The following KLF12 variants were observed in gnomAD, a reference collection of about 807,000 sequenced individuals.
KLF12 encodes the protein Krueppel-like factor 12.
In KLF12, 9 loss-of-function variants were observed where a neutral mutation model predicts 37.8. That is an observed-to-expected ratio of 0.24 (90% confidence interval 0.14 to 0.42). The LOEUF is 0.42. Among genes scored for constraint, KLF12 ranks in the 10% least tolerant of loss-of-function variants. The pLI, the probability that KLF12 is intolerant of heterozygous loss-of-function variation, is 1.00. For missense variants in KLF12, 411 were observed against 516.0 expected (o/e 0.80, Z 1.97); for synonymous variants, 208 against 202.1 (o/e 1.03, Z -0.25).
chr13:73,786,393 C>G, intron 5 of KLF12, among the ~76,000 whole-genome samples: 1 of 152,130 alleles, frequency 6.6e-6, no homozygotes, highest in South Asian at 2.1e-4. Flanking sequence ...CAGAATTAAC[C>G]CTTAACTCCT....
chr13:74,109,333 T>C (rs1324182089), intron 1 of KLF12, among the ~76,000 whole-genome samples: 3 of 152,080 alleles, frequency 2.0e-5, no homozygotes, highest in Admixed American at 1.3e-4. Context: ...ATAAGAGACC[T>C]AACTGGATCA....
chr13:74,305,282 T>A, the KLF12 span, among the ~76,000 whole-genome samples: 10 of 152,112 alleles, frequency 6.6e-5, no homozygotes, highest in Non-Finnish European at 7.4e-5. Context: ...GGTTACCTAA[T>A]CCAAAATTTT....
chr13:73,918,246 T>C (rs1013130313), intron 3 of KLF12, among the ~76,000 whole-genome samples: 2 of 152,146 alleles, frequency 1.3e-5, no homozygotes, highest in Admixed American at 1.3e-4. Flanking sequence ...ACTTAAAACA[T>C]ACTTTTTCTT....
intron 4 of KLF12, chr13:73,844,791 T>C (rs2138678199): frequency 6.6e-6 from 1 of 152,318 alleles, no homozygotes. Context: ...ATATTTTAAT[T>C]ACAGGCCTCA....
intron 1 of KLF12, among the ~76,000 whole-genome samples, chr13:74,044,145 C>T (rs911551646): frequency 6.6e-6 from 1 of 152,142 alleles, no homozygotes; most frequent in South Asian, 2.1e-4. Context: ...AAACTCTGCA[C>T]ACTGAAGAGG....
chr13:73,754,954 T>C (rs556411559), intron 6 of KLF12, among the ~76,000 whole-genome samples: 29 of 152,242 alleles, frequency 1.9e-4, no homozygotes, highest in Non-Finnish European at 3.4e-4. Flanking sequence ...CTTTGTCTCC[T>C]ACCTTTAATA....
chr13:73,941,909 A>C (rs1398976386), intron 3 of KLF12, among the ~76,000 whole-genome samples: 1 of 152,154 alleles, frequency 6.6e-6, no homozygotes, highest in African/African-American at 2.4e-5. Flanking sequence ...AAATACCAAC[A>C]TCAGCTCCAC....
intron 2 of KLF12, among the ~76,000 whole-genome samples, chr13:73,982,190 A>C (rs1891704592): frequency 6.6e-6 from 1 of 152,236 alleles, no homozygotes; most frequent in African/African-American, 2.4e-5. Flanking sequence ...TATTAAGGTG[A>C]TATGCTCATC....
chr13:73,977,787 G>T (rs2138154884), intron 2 of KLF12, among the ~76,000 whole-genome samples: 1 of 152,294 alleles, frequency 6.6e-6, no homozygotes, highest in South Asian at 2.1e-4. Flanking sequence ...TAGATTAGTG[G>T]AACAGAACAG....
Position 74,021,553 on chromosome 13 carries a change from T to A in KLF12, c.-31-26500A>T, listed in dbSNP as rs530466001. On this transcript the variant is annotated intron_variant, in intron 1 of 7. Transcript: ENST00000377669. ...CCAGAGGAGGGTTGCATCTGGCTAGTACAGGCATGGGAGAGCTGACTGCAC... is the reference window on the plus strand; with the variant it reads ...CCAGAGGAGGGTTGCATCTGGCTAGAACAGGCATGGGAGAGCTGACTGCAC... Among the ~76,000 whole-genome samples, 4 of 152,242 alleles carry A rather than the reference T, an allele frequency of 2.6e-5. No individual in the cohort carries two copies. In the South Asian group the frequency reaches 8.3e-4, roughly 32 times the overall value.
chr13:73,892,693 T>C (rs1887565853), intron 3 of KLF12, among the ~76,000 whole-genome samples: 1 of 152,184 alleles, frequency 6.6e-6, no homozygotes, highest in Non-Finnish European at 1.5e-5. Flanking sequence ...GAGTTATGGA[T>C]TGCTAGAGAA....
intron 3 of KLF12, among the ~76,000 whole-genome samples, chr13:73,913,498 T>C (rs1322770116): frequency 6.6e-6 from 1 of 152,170 alleles, no homozygotes; most frequent in Non-Finnish European, 1.5e-5. Flanking sequence ...ATTTAGTGGA[T>C]CTAAGCATGA....
intron 7 of KLF12, among the ~76,000 whole-genome samples, chr13:73,698,153 A>G (rs565295475): frequency 2.2e-4 from 34 of 151,286 alleles, no homozygotes; most frequent in African/African-American, 8.0e-4. Context: ...TATGACCCCG[A>G]AAGAAAGAAA....
At chr13:74,004,446 G>C (rs1291098333) in intron 1 of KLF12, among the ~76,000 whole-genome samples, 4 of 152,142 alleles carry the variant, frequency 2.6e-5, no homozygotes, top group Non-Finnish European at 5.9e-5. Context: ...AAGCGGCAAA[G>C]GCAGAATTTT....
the KLF12 span, among the ~76,000 whole-genome samples, chr13:74,188,274 A>C: frequency 6.6e-6 from 1 of 152,202 alleles, no homozygotes; most frequent in Non-Finnish European, 1.5e-5. Context: ...TACTATACCC[A>C]GACACTGTTC....
chr13:74,098,839 A>G (rs1344751257), intron 1 of KLF12, among the ~76,000 whole-genome samples: 1 of 152,252 alleles, frequency 6.6e-6, no homozygotes, highest in Non-Finnish European at 1.5e-5. Flanking sequence ...TTAAGCAATT[A>G]CATTCAAAAT....
intron 5 of KLF12, among the ~76,000 whole-genome samples, chr13:73,766,098 T>C (rs1447778852): frequency 6.6e-6 from 1 of 152,228 alleles, no homozygotes; most frequent in African/African-American, 2.4e-5. Flanking sequence ...ACATCCCTTA[T>C]TAACATTCTT....
At chr13:74,040,892 T>A (rs1386171311) in intron 1 of KLF12, among the ~76,000 whole-genome samples, 1 of 152,170 alleles carries the variant, frequency 6.6e-6, no homozygotes, top group Non-Finnish European at 1.5e-5. Flanking sequence ...TGACATCATC[T>A]TTGACCCCTC....
chr13:73,846,122 T>G lies in KLF12; in HGVS notation c.375A>C (p.Ser125=). 6.2e-7 allele frequency: 1 copy of G among 1,614,022 alleles called. No individual in the cohort carries two copies. Among genetic ancestry groups the G allele is most frequent in the Non-Finnish European group, 8.5e-7 (1 of 1,179,988 alleles). Residue 125 remains serine (S), a synonymous_variant, in exon 4 of 8, where the codon TCA becomes TCC. Coordinates refer to ENST00000377669, the MANE Select transcript of KLF12 (RefSeq NM_007249.5). The stretch of plus-strand genomic sequence containing the variant: ...ATACTGATGTGATAACAGTTGGGGA[T>G]GAGGCTAGACGACTAGAAGACGATG...
Sources: allele counts gnomAD v4.1 joint callset (sites outside exome capture counted in the v4.1 genomes callset), GRCh38; gene constraint gnomAD v4.1.1; transcripts MANE v1.5; gene names NCBI Gene and HGNC (gene_info 2026-07-23, HGNC 2026-07-21).